SYT1: variants seen among roughly 807,000 people sequenced by gnomAD.
The protein encoded by SYT1 is synaptotagmin-1.
In SYT1, 8 loss-of-function variants were observed where a neutral mutation model predicts 44.8. That is an observed-to-expected ratio of 0.18 (90% CI 0.10 to 0.32). The LOEUF (loss-of-function observed/expected upper bound fraction) is 0.32. Ranked by LOEUF, SYT1 falls within the 10% of genes least tolerant of loss-of-function variation. The probability of loss-of-function intolerance (pLI) is 1.00; values close to 1 mark genes in which losing one functional copy is unlikely to be tolerated. For missense variants in SYT1, 286 were observed against 509.3 expected, an observed-to-expected ratio of 0.56 and a Z score of 4.22; for synonymous variants, 154 against 188.8, an observed-to-expected ratio of 0.82 and a Z score of 1.51.
chr12:78,978,119 C>A (rs1868978110), intron 2 of SYT1, among the ~76,000 whole-genome samples, 188 bp downstream of exon 2: 1 of 152,142 alleles, frequency 6.6e-6, no homozygotes, highest in African/African-American at 2.4e-5. Flanking sequence ...GTCACATATT[C>A]TGAAATTATT....
chr12:79,182,193 A>C (rs1271947495), intron 3 of SYT1, among the ~76,000 whole-genome samples: 3 of 152,216 alleles, frequency 2.0e-5, no homozygotes, highest in Non-Finnish European at 4.4e-5. Flanking sequence ...CTGTTCTCTT[A>C]AAAGTTTCTA....
chr12:79,048,330 CT>C (rs1238000131), intron 3 of SYT1, among the ~76,000 whole-genome samples: 1 of 151,564 alleles, frequency 6.6e-6, no homozygotes, highest in Non-Finnish European at 1.5e-5. Context: ...CAAATTATTC[CT>C]GCATAATAAC....
chr12:79,112,763 G>T (rs769085950), intron 3 of SYT1, among the ~76,000 whole-genome samples: 3 of 152,022 alleles, frequency 2.0e-5, no homozygotes, highest in Non-Finnish European at 4.4e-5. Flanking sequence ...ATGCTTATTT[G>T]GGTGAGAGAT....
chr12:79,089,589 T>C (rs1376003201), intron 3 of SYT1, among the ~76,000 whole-genome samples: 2 of 151,538 alleles, frequency 1.3e-5, no homozygotes, highest in African/African-American at 4.8e-5. Flanking sequence ...AAATTCAAAC[T>C]ATTCCCTTAT....
chr12:78,970,104 G>A (rs1292198276), intron 1 of SYT1, among the ~76,000 whole-genome samples: 1 of 152,088 alleles, frequency 6.6e-6, no homozygotes, highest in Non-Finnish European at 1.5e-5. Flanking sequence ...TATTAATGAT[G>A]GAAATTGAGA....
chr12:79,325,878 G>T (rs1881587004), intron 8 of SYT1, among the ~76,000 whole-genome samples: 1 of 152,198 alleles, frequency 6.6e-6, no homozygotes, highest in African/African-American at 2.4e-5. Flanking sequence ...AAACTAACAA[G>T]TATGCAGTCA....
rs879309804 is a variant in SYT1, at chr12:79,308,583, AAAAG to A, written c.810+9039_810+9042del. On this transcript the variant is annotated intron_variant, in intron 8 of 10. Transcript: ENST00000261205. Reference sequence around the variant, plus strand: ...AGAAAGGAAAAGAAAGAAAAGAAGGAAAAGAAAGAAGAAAGAAAGAAAGAAAGAA... The same window carrying A: ...AGAAAGGAAAAGAAAGAAAAGAAGGAAAAGAAGAAAGAAAGAAAGAAAGAA... 6.5e-3 allele frequency among the ~76,000 whole-genome samples: 908 copies of A among 138,848 alleles called. 9 individuals are homozygous for A. Among genetic ancestry groups the A allele is most frequent in the Non-Finnish European group, 9.1e-3 (586 of 64,382 alleles). 91.1% of individuals were successfully genotyped at this position (138,848 alleles called of 152,430 possible). A position where few individuals can be genotyped will look rare whatever the true frequency, so the allele number is the denominator to read the frequency against.
chr12:78,870,408 TA>T (rs1193349602), intron 1 of SYT1, among the ~76,000 whole-genome samples: 8 of 152,112 alleles, frequency 5.3e-5, no homozygotes, highest in African/African-American at 7.2e-5. Flanking sequence ...AGAGTTCCGA[TA>T]TTTTTTTATC....
At chr12:79,367,906 A>G (rs1259033996) in intron 9 of SYT1, among the ~76,000 whole-genome samples, 1 of 152,088 alleles carries the variant, frequency 6.6e-6, no homozygotes, top group African/African-American at 2.4e-5. Context: ...TTTTTAAAAA[A>G]AAAAATTATT....
chr12:79,241,523 T>C (rs1417631751), intron 4 of SYT1, among the ~76,000 whole-genome samples: 1 of 152,132 alleles, frequency 6.6e-6, no homozygotes, highest in Non-Finnish European at 1.5e-5. Context: ...CCTCCCAAAG[T>C]GCTGGGATTA....
intron 9 of SYT1, among the ~76,000 whole-genome samples, chr12:79,373,113 T>C (rs1282385564): frequency 6.6e-6 from 1 of 152,204 alleles, no homozygotes. Context: ...TTATATCTCT[T>C]TTCATCAAAA....
chr12:79,021,132 A>C (rs200938016), intron 2 of SYT1, among the ~76,000 whole-genome samples: 1 of 151,950 alleles, frequency 6.6e-6, no homozygotes, highest in Non-Finnish European at 1.5e-5. Context: ...CCATTCAGCT[A>C]TAAAAACATC....
At chr12:79,296,870 G>T (rs1448861086) in intron 7 of SYT1, among the ~76,000 whole-genome samples, 2 of 152,046 alleles carry the variant, frequency 1.3e-5, no homozygotes, top group East Asian at 3.9e-4. Context: ...ATGTCCTGCA[G>T]GTCTCCAGGA....
In SYT1 at chr12:78,929,963, G is replaced by A. The variant is rs2137197351; in HGVS notation, c.-216-47836G>A. Reference sequence around the variant, plus strand: ...TAAAGAAAGCTCATGTTTCTGTGAAGTGGGCTTTTTTAGATTACACTAATA... The same window carrying A: ...TAAAGAAAGCTCATGTTTCTGTGAAATGGGCTTTTTTAGATTACACTAATA... On this transcript the variant is annotated intron_variant, in intron 1 of 10. Transcript: ENST00000261205. 2.0e-5 allele frequency among the ~76,000 whole-genome samples: 3 copies of A among 152,198 alleles called. 1 individual carries two copies. The highest frequency in any genetic ancestry group is 6.8e-3 in the Middle Eastern group (2 of 292).
intron 1 of SYT1, among the ~76,000 whole-genome samples, chr12:78,968,421 T>C (rs962705155): frequency 1.3e-5 from 2 of 152,096 alleles, no homozygotes; most frequent in East Asian, 1.9e-4. Context: ...CTCTGAAATA[T>C]GTAGACAGAG....
At chr12:78,978,824 C>G (rs897216121) in intron 2 of SYT1, among the ~76,000 whole-genome samples, 1 of 152,190 alleles carries the variant, frequency 6.6e-6, no homozygotes, top group African/African-American at 2.4e-5. Flanking sequence ...CTTAGACTTT[C>G]TTTTCCCTGA....
chr12:79,354,679 T>C (rs537560304), intron 9 of SYT1, among the ~76,000 whole-genome samples: 94 of 152,278 alleles, frequency 6.2e-4, no homozygotes, highest in African/African-American at 2.1e-3. Flanking sequence ...AACTTGCTGT[T>C]TTTATTGTGC....
chr12:79,116,388 TG>T (rs960941234), intron 3 of SYT1, among the ~76,000 whole-genome samples: 106 of 152,230 alleles, frequency 7.0e-4, no homozygotes, highest in African/African-American at 2.3e-3. Flanking sequence ...CAATATTCAA[TG>T]GAGGAAAAGA....
At chr12:79,125,733 T>C (rs1211466879) in intron 3 of SYT1, among the ~76,000 whole-genome samples, 1 of 152,190 alleles carries the variant, frequency 6.6e-6, no homozygotes, top group Non-Finnish European at 1.5e-5. Flanking sequence ...AATATCAATA[T>C]GCAGCTTGCT....
Sources: allele counts gnomAD v4.1 joint callset (sites outside exome capture counted in the v4.1 genomes callset), GRCh38; gene constraint gnomAD v4.1.1; transcripts MANE v1.5; gene names NCBI Gene and HGNC (gene_info 2026-07-23, HGNC 2026-07-21).